Variants in ZNF596 observed in about 807,000 individuals in gnomAD.
ZNF596 encodes zinc finger protein 596.
In ZNF596, 45 loss-of-function variants were observed where a neutral mutation model predicts 48.3. That is an observed-to-expected ratio of 0.93 (90% CI 0.73 to 1.19). ZNF596 has a LOEUF of 1.19. Ranked by LOEUF, ZNF596 falls within the 50% of genes most tolerant of loss-of-function variation. ZNF596 has a pLI of 0.00. For synonymous variants in ZNF596, 270 were observed against 202.0 expected, an observed-to-expected ratio of 1.34 and a Z score of -2.85; for missense variants, 848 against 599.7, an observed-to-expected ratio of 1.41 and a Z score of -4.32.
intron 1 of ZNF596, among the ~76,000 whole-genome samples, chr8:236,377 G>C (rs969032502): frequency 1.1e-4 from 17 of 152,138 alleles, no homozygotes; most frequent in African/African-American, 4.1e-4. Context: ...TACAGTTGCA[G>C]CTCTTTGACT....
chr8:240,100 A>G (rs561027587), intron 1 of ZNF596, among the ~76,000 whole-genome samples: 2 of 152,260 alleles, frequency 1.3e-5, no homozygotes, highest in East Asian at 3.9e-4. Flanking sequence ...AAACCAAACT[A>G]TCTATTTCTT....
rs1796537541 is a variant in ZNF596 at position 234,238 on chromosome 8, T to C, written c.-73+1544T>C. 3.3e-5 allele frequency: 5 copies of C among 152,156 alleles called. 1 individual carries two copies. In the South Asian group the frequency reaches 1.0e-3, roughly 32 times the overall value. 9.4% of individuals were successfully genotyped at this position (152,156 alleles called of 1,614,324 possible). A position where few individuals can be genotyped will look rare whatever the true frequency, so the allele number is the denominator to read the frequency against. On this transcript the variant is annotated intron_variant, in intron 1 of 5. Transcript: ENST00000398612. Reference sequence around the variant, plus strand: ...ACTAGCAGACTTCAGGCTCTGTGACTAAAAGGGGTCAGACCAGTTGATATA... The same window carrying C: ...ACTAGCAGACTTCAGGCTCTGTGACCAAAAGGGGTCAGACCAGTTGATATA...
chr8:243,020 C>A lies in ZNF596; in HGVS notation c.139+7C>A. 6.2e-7 allele frequency: 1 copy of A among 1,605,176 alleles called. No homozygotes were observed. Among genetic ancestry groups the A allele is most frequent in the South Asian group, 1.1e-5 (1 of 90,216 alleles). On this transcript the variant is annotated splice_region_variant and intron_variant, in intron 3 of 5. Coordinates refer to ENST00000398612, the MANE Select transcript of ZNF596 (RefSeq NM_001042416.3). ...AGTCATCTGGTCTCTATTGGTGAGT[C>A]TCTTTATATTTATTATGTATGTATA...
chr8:237,994 G>T (rs935536147), intron 1 of ZNF596, among the ~76,000 whole-genome samples: 42 of 152,320 alleles, frequency 2.8e-4, no homozygotes, highest in African/African-American at 9.9e-4. Context: ...GCTGGCAGGG[G>T]TGACCCAGGC....
intron 1 of ZNF596, chr8:234,671 A>C (rs1449717262): frequency 6.6e-6 from 1 of 152,146 alleles, no homozygotes; most frequent in Non-Finnish European, 1.5e-5. Flanking sequence ...GTAATCTCTG[A>C]CCCTGCCTAA....
chr8:236,489 A>G (rs1181001712), intron 1 of ZNF596, among the ~76,000 whole-genome samples: 1 of 152,114 alleles, frequency 6.6e-6, no homozygotes, highest in Non-Finnish European at 1.5e-5. Flanking sequence ...TCCTTTTTCC[A>G]GCCTTACCTT....
At chr8:237,511 T>C (rs892765799) in intron 1 of ZNF596, 2 of 152,202 alleles carry the variant, frequency 1.3e-5, no homozygotes, top group Non-Finnish European at 1.5e-5. Flanking sequence ...ATATCATGAA[T>C]GTAATTGGAA....
At chr8:237,739 A>G (rs996457722) in intron 1 of ZNF596, 2 of 152,232 alleles carry the variant, frequency 1.3e-5, no homozygotes, top group African/African-American at 4.8e-5. Flanking sequence ...TTAGCCACAT[A>G]CACTTTATTG....
Position 244,708 on chromosome 8 carries a change from T to G in ZNF596, c.306+7T>G. On this transcript the variant is annotated splice_region_variant and intron_variant, in intron 5 of 5. Transcript: ENST00000398612. ...GTCCACCATCAGCACAATGGTAAGC[T>G]TTATGGATGCAAACCCTGTTCTTAC... The G allele has an allele frequency of 6.2e-7, 1 of 1,606,610 alleles. No homozygotes were observed. Among genetic ancestry groups the G allele is most frequent in the Non-Finnish European group, 8.5e-7 (1 of 1,176,066 alleles).
chr8:233,613 T>A (rs1327419601), intron 1 of ZNF596: 2 of 154,998 alleles, frequency 1.3e-5, no homozygotes, highest in African/African-American at 2.4e-5. Context: ...TCTGCAAATA[T>A]TGAAGGATGA....
intron 2 of ZNF596, among the ~76,000 whole-genome samples, chr8:242,545 T>A (rs1796896265): frequency 6.6e-6 from 1 of 152,222 alleles, no homozygotes; most frequent in South Asian, 2.1e-4. Context: ...TCTATAGATT[T>A]TCTTGAAGGT....
chr8:235,462 T>G (rs1796581047), intron 1 of ZNF596, among the ~76,000 whole-genome samples: 1 of 152,164 alleles, frequency 6.6e-6, no homozygotes, highest in African/African-American at 2.4e-5. Flanking sequence ...TAACCAGAAC[T>G]TGATACTGTA....
intron 1 of ZNF596, chr8:233,775 T>C (rs1796517416): frequency 6.6e-6 from 1 of 152,252 alleles, no homozygotes; most frequent in South Asian, 2.1e-4. Context: ...CTTAATGTGA[T>C]GTTCTGGAGA....
Position 245,185 on chromosome 8 carries a change from G to A in ZNF596, c.338G>A (p.Cys113Tyr). The A allele has an allele frequency of 1.2e-6, 2 of 1,604,104 alleles. No individual in the cohort carries two copies. Among genetic ancestry groups the A allele is most frequent in the South Asian group, 2.2e-5 (2 of 89,738 alleles). Residue 113 changes from cysteine (C) to tyrosine (Y), a missense_variant, in exon 6 of 6, where the codon TGC becomes TAC. Coordinates refer to ENST00000398612, the MANE Select transcript of ZNF596 (RefSeq NM_001042416.3). ...RSHTQEDPFL[C>Y]NDLGEDFTQH... is the part of the protein sequence containing the mutation. The stretch of plus-strand genomic sequence containing the variant: ...CATACTCAAGAGGATCCTTTTCTAT[G>A]CAATGACTTAGGAGAAGATTTCACT...
chr8:238,753 G>A (rs1003855828), intron 1 of ZNF596, among the ~76,000 whole-genome samples: 3 of 151,838 alleles, frequency 2.0e-5, no homozygotes, highest in East Asian at 1.9e-4. Context: ...GTTGCAGTGA[G>A]CTGGTATCGT....
At chr8:236,561 G>A (rs1227794596) in intron 1 of ZNF596, among the ~76,000 whole-genome samples, 3 of 152,058 alleles carry the variant, frequency 2.0e-5, no homozygotes, top group African/African-American at 7.2e-5. Context: ...TGATTAAGAA[G>A]AATTAGTCCC....
rs757041850 is a variant in ZNF596 at position 242,853 on chromosome 8, C to A, written c.13-34C>A. The A allele has an allele frequency of 3.2e-5, 46 of 1,455,604 alleles. 1 individual carries two copies. The Middle Eastern group carries it at 6.5e-3, about 207-fold the overall frequency. 90.2% of individuals were successfully genotyped at this position (1,455,604 alleles called of 1,614,324 possible). A position where few individuals can be genotyped will look rare whatever the true frequency, so the allele number is the denominator to read the frequency against. ...CTCCACTGAACATTGGCAGAGATAG[C>A]CCTGTTTGCAGTAGAATGTCCATAA... On this transcript the variant is annotated intron_variant, in intron 2 of 5. Transcript: ENST00000398612.
chr8:240,720 G>GC, intron 1 of ZNF596, 104 bp from the exon 2 acceptor site: 1 of 711,230 alleles, frequency 1.4e-6, no homozygotes, highest in East Asian at 2.7e-5. Flanking sequence ...CCTACCCACT[G>GC]CATGTCCTTG....
chr8:232,768 G>A (rs1202840055), intron 1 of ZNF596, 74 bp downstream of exon 1: 2 of 427,838 alleles, frequency 4.7e-6, no homozygotes, highest in South Asian at 1.8e-5. Context: ...GGCAGCCCTG[G>A]GATTCGGCAG....
Sources: allele counts gnomAD v4.1 joint callset (sites outside exome capture counted in the v4.1 genomes callset), GRCh38; gene constraint gnomAD v4.1.1; transcripts MANE v1.5; gene names NCBI Gene and HGNC (gene_info 2026-07-23, HGNC 2026-07-21).